ARHGEF12: variants seen among roughly 807,000 people sequenced by gnomAD.
ARHGEF12 encodes the protein Rho guanine nucleotide exchange factor 12.
In ARHGEF12, 66 loss-of-function variants were observed where a neutral mutation model predicts 211.2. The ratio of observed to expected loss-of-function variants is 0.31; its 90% CI spans 0.26 to 0.38. The LOEUF is 0.38. Ranked by LOEUF, ARHGEF12 falls within the 10% of genes least tolerant of loss-of-function variation. ARHGEF12 has a pLI of 1.00. For synonymous variants in ARHGEF12, 592 were observed against 638.4 expected, an observed-to-expected ratio of 0.93 and a Z score of 1.09; for missense variants, 1,429 against 1,869.5, an observed-to-expected ratio of 0.76 and a Z score of 4.34.
At chr11:120,448,895 A>G (rs1270864834) in intron 20 of ARHGEF12, 6 of 431,714 alleles carry the variant, frequency 1.4e-5, no homozygotes, top group Non-Finnish European at 2.4e-5. Context: ...CAAAGCTGTC[A>G]GTGATAAAGA....
chr11:120,363,491 A>C (rs1943335756), intron 1 of ARHGEF12, among the ~76,000 whole-genome samples: 1 of 152,198 alleles, frequency 6.6e-6, no homozygotes, highest in Non-Finnish European at 1.5e-5. Context: ...TATTTGTAGC[A>C]AGTTAATACT....
intron 22 of ARHGEF12, among the ~76,000 whole-genome samples, chr11:120,454,553 A>T (rs1385598262): frequency 1.3e-5 from 2 of 152,244 alleles, no homozygotes; most frequent in African/African-American, 4.8e-5. Flanking sequence ...ACACAAAAAA[A>T]ATTTATCTCG....
chr11:120,354,325 A>G (rs1008837448), intron 1 of ARHGEF12, among the ~76,000 whole-genome samples: 1 of 152,156 alleles, frequency 6.6e-6, no homozygotes, highest in African/African-American at 2.4e-5. Context: ...CCCTGACATC[A>G]TAACTCTCCC....
rs1458386480 is a variant in ARHGEF12 at position 120,489,177 on chromosome 11, C to T, written c.*4100C>T. The T allele has an allele frequency of 8.8e-6, 2 of 227,208 alleles. No individual in the cohort carries two copies. Among genetic ancestry groups the T allele is most frequent in the Non-Finnish European group, 8.8e-6 (1 of 114,188 alleles). 14.1% of individuals were successfully genotyped at this position (227,208 alleles called of 1,614,324 possible). A position where few individuals can be genotyped will look rare whatever the true frequency, so the allele number is the denominator to read the frequency against. Reference sequence around the variant, plus strand: ...CTGCTTATTAGAGCATCCCTAGCAACAAGGCTAAACCTTCATGACAGTGCT... The same window carrying T: ...CTGCTTATTAGAGCATCCCTAGCAATAAGGCTAAACCTTCATGACAGTGCT... On this transcript the variant is annotated 3_prime_UTR_variant, in exon 41 of 41. Transcript: ENST00000397843.
chr11:120,453,378 C>G lies in ARHGEF12; in HGVS notation c.2056+1654C>G, dbSNP rs77017283. Among the ~76,000 whole-genome samples, 1,347 of 152,156 alleles carry G rather than the reference C, an allele frequency of 8.9e-3. 89 individuals carry two copies. The South Asian group carries it at 0.16, about 18-fold the overall frequency. The stretch of plus-strand genomic sequence containing the variant: ...AAAGTAGAGGAAGGGAATGTGTTAT[C>G]AGGAAATAAGAGATTTTAACAAATA... On this transcript the variant is annotated intron_variant, in intron 22 of 40. Transcript: ENST00000397843.
intron 1 of ARHGEF12, among the ~76,000 whole-genome samples, chr11:120,371,890 A>C (rs1303077212): frequency 6.6e-6 from 1 of 152,256 alleles, no homozygotes; most frequent in Non-Finnish European, 1.5e-5. Flanking sequence ...CTGCTACAAC[A>C]GTTTCATAAG....
At position 120,456,359 on chromosome 11, in the gene ARHGEF12, A is replaced by G. The variant is rs942276672; in HGVS notation, c.2057-759A>G. Among the ~76,000 whole-genome samples, 8 of 152,240 alleles carry G rather than the reference A, an allele frequency of 5.3e-5. No homozygotes were observed. The East Asian group carries it at 1.5e-3, about 29-fold the overall frequency. ...TTTTTGATAGAACAAAAACATAGAC[A>G]TGTCATTTAAATTTAGGTAGTAACT... On this transcript the variant is annotated intron_variant, in intron 22 of 40. Coordinates refer to ENST00000397843, the MANE Select transcript of ARHGEF12 (RefSeq NM_015313.3).
At chr11:120,337,814 A>G in intron 1 of ARHGEF12, 1 of 985,466 alleles carries the variant, frequency 1.0e-6, no homozygotes, top group Non-Finnish European at 1.2e-6. Flanking sequence ...TGTTGACATT[A>G]CCAGTAAATC....
chr11:120,420,096 G>A (rs1591567802), intron 4 of ARHGEF12, among the ~76,000 whole-genome samples: 2 of 152,224 alleles, frequency 1.3e-5, no homozygotes, highest in Admixed American at 1.3e-4. Flanking sequence ...TGAAAGAGAT[G>A]AAGGAACTGG....
At chr11:120,362,280 G>A (rs914057424) in intron 1 of ARHGEF12, among the ~76,000 whole-genome samples, 7 of 152,116 alleles carry the variant, frequency 4.6e-5, no homozygotes, top group African/African-American at 7.2e-5. Context: ...AGGAGGAGAA[G>A]CAATACTTTG....
intron 39 of ARHGEF12, among the ~76,000 whole-genome samples, chr11:120,483,178 A>G (rs562919573): frequency 1.3e-4 from 20 of 151,498 alleles, no homozygotes; most frequent in South Asian, 6.3e-4. Context: ...ATTACTGAAT[A>G]TTAGTCATTT....
intron 1 of ARHGEF12, among the ~76,000 whole-genome samples, chr11:120,374,418 G>A (rs1326497809): frequency 2.0e-5 from 3 of 152,056 alleles, no homozygotes; most frequent in Non-Finnish European, 4.4e-5. Flanking sequence ...GGTACTTCTG[G>A]CAATACAGTT....
chr11:120,421,975 G>A (rs1201658887), intron 6 of ARHGEF12, 123 bp downstream of exon 6: 3 of 669,292 alleles, frequency 4.5e-6, no homozygotes, highest in Non-Finnish European at 5.1e-6. Context: ...TGATAGATCT[G>A]TTGACTATAC....
chr11:120,447,813 C>A, intron 18 of ARHGEF12, 61 bp from the exon 19 acceptor site: 1 of 1,259,804 alleles, frequency 7.9e-7, no homozygotes, highest in Non-Finnish European at 1.1e-6. Flanking sequence ...GAGACTCTGT[C>A]TCAAAAAAAT....
chr11:120,489,348 AAT>A lies in ARHGEF12; in HGVS notation c.*4281_*4282del. The A allele has an allele frequency of 1.3e-5, 3 of 224,858 alleles. No homozygotes were observed. The highest frequency in any genetic ancestry group is 6.5e-5 in the East Asian group (1 of 15,416). The allele number at this position is 224,858 out of a possible 1,614,324, so 13.9% of individuals were successfully genotyped here. On this transcript the variant is annotated 3_prime_UTR_variant, in exon 41 of 41. Coordinates refer to ENST00000397843, the MANE Select transcript of ARHGEF12 (RefSeq NM_015313.3). Reference sequence around the variant, plus strand: ...TATTATTGATTTTTAATTGTGGTGAAATATATATATAACAAAATTTGCTATTG... The same window carrying A: ...TATTATTGATTTTTAATTGTGGTGAAATATATATAACAAAATTTGCTATTG...
Position 120,465,317 on chromosome 11 carries a change from C to T in ARHGEF12, c.2694C>T (p.Ile898=). The part of the protein sequence containing the change: ...CSNQPFALEM[I]KSRQKKDSRF... ...ACCAACCTTTCGCCCTGGAAATGAT[C>T]AAATCTCGTCAGAAAAAGGATTCTC... Residue 898 remains isoleucine (I), a synonymous_variant, in exon 28 of 41, where the codon ATC becomes ATT. Coordinates refer to ENST00000397843, the MANE Select transcript of ARHGEF12 (RefSeq NM_015313.3). 6.2e-7 allele frequency: 1 copy of T among 1,613,986 alleles called. No homozygotes were observed. Among genetic ancestry groups the T allele is most frequent in the Non-Finnish European group, 8.5e-7 (1 of 1,180,002 alleles).
intron 25 of ARHGEF12, chr11:120,458,951 AT>A: frequency 3.2e-6 from 1 of 314,044 alleles, no homozygotes; most frequent in Non-Finnish European, 5.7e-6. Flanking sequence ...ACTAAAAAAA[AT>A]AGTTTTGAAT....
rs55651421 is a variant in ARHGEF12, at chr11:120,347,270, C to CTGTGTGTGTGTGTG, written c.32+10019_32+10032dup. On this transcript the variant is annotated intron_variant, in intron 1 of 40. Coordinates refer to ENST00000397843, the MANE Select transcript of ARHGEF12 (RefSeq NM_015313.3). ...TTTCTCTCTCTCTCTCTCTCTCTGT[C>CTGTGTGTGTGTGTG]TGTGTGTGTGTGTGTGTGTGTGTGT... 6.7e-3 allele frequency among the ~76,000 whole-genome samples: 539 copies of CTGTGTGTGTGTGTG among 79,868 alleles called. 8 individuals are homozygous for CTGTGTGTGTGTGTG. Among genetic ancestry groups the CTGTGTGTGTGTGTG allele is most frequent in the African/African-American group, 0.022 (490 of 21,798 alleles). The allele number at this position is 79,868 out of a possible 152,430, so 52.4% of individuals were successfully genotyped here.
intron 19 of ARHGEF12, 140 bp from the exon 20 acceptor site, chr11:120,448,094 A>T (rs111422787): frequency 1.3e-6 from 1 of 758,454 alleles, no homozygotes; most frequent in African/African-American, 1.8e-5. Context: ...TTCTCTGTGC[A>T]ATGACTAGTT....
Sources: allele counts gnomAD v4.1 joint callset (sites outside exome capture counted in the v4.1 genomes callset), GRCh38; gene constraint gnomAD v4.1.1; transcripts MANE v1.5; gene names NCBI Gene and HGNC (gene_info 2026-07-23, HGNC 2026-07-21).